Variants in NBAS observed in about 807,000 individuals in gnomAD.
NBAS encodes the protein NBAS subunit of NRZ tethering complex, also known as NAG/BC035112 fusion.
Under a neutral mutation model 302.5 loss-of-function variants are expected in NBAS, and 219 were observed. That is an observed-to-expected ratio of 0.72 (90% confidence interval 0.65 to 0.81). The LOEUF is 0.81. NBAS is among the 30% of genes least tolerant of loss of function. The pLI is 0.00. For synonymous variants in NBAS, 1,118 were observed against 1,021.6 expected (o/e 1.09, Z -1.80); for missense variants, 2,932 against 2,841.6 (o/e 1.03, Z -0.72).
At chr2:15,264,723 G>A (rs1269352199) in intron 44 of NBAS, among the ~76,000 whole-genome samples, 1 of 152,138 alleles carries the variant, frequency 6.6e-6, no homozygotes, top group Non-Finnish European at 1.5e-5. Flanking sequence ...CTTAAATTCT[G>A]TGTCTGTTAA....
At chr2:15,058,485 C>A in the NBAS span, among the ~76,000 whole-genome samples, 1 of 152,150 alleles carries the variant, frequency 6.6e-6, no homozygotes, top group Non-Finnish European at 1.5e-5. Flanking sequence ...ATATTTCTAC[C>A]ACATGATTGA....
At chr2:15,284,231 A>C (rs2148079227) in intron 42 of NBAS, among the ~76,000 whole-genome samples, 1 of 152,302 alleles carries the variant, frequency 6.6e-6, no homozygotes, top group South Asian at 2.1e-4. Context: ...GACAAGAGTG[A>C]AATTCCAGGA....
In NBAS at chr2:15,256,193, T is replaced by C. The variant is rs545976601; in HGVS notation, c.5725-17507A>G. On this transcript the variant is annotated intron_variant, in intron 44 of 51. Coordinates refer to ENST00000281513, the MANE Select transcript of NBAS (RefSeq NM_015909.4). ...ATTCTACCTATCCTTGAGCATGGGATGTGTTTCCATTTGTTTCTGTCATTT... is the reference window on the plus strand; with the variant it reads ...ATTCTACCTATCCTTGAGCATGGGACGTGTTTCCATTTGTTTCTGTCATTT... Among the ~76,000 whole-genome samples, 216 of 152,330 alleles carry C rather than the reference T, an allele frequency of 1.4e-3. No homozygotes were observed. The Middle Eastern group carries it at 0.034, about 24-fold the overall frequency.
intron 49 of NBAS, among the ~76,000 whole-genome samples, chr2:15,187,464 G>A (rs1189347288): frequency 6.6e-6 from 1 of 152,074 alleles, no homozygotes; most frequent in African/African-American, 2.4e-5. Flanking sequence ...CATAGCAGAG[G>A]TCAGCTGGGG....
chr2:14,986,046 G>A, the NBAS span, among the ~76,000 whole-genome samples: 3 of 152,072 alleles, frequency 2.0e-5, no homozygotes, highest in Admixed American at 2.0e-4. Context: ...CCTTTTAAGC[G>A]CAATGCATTT....
chr2:15,048,498 T>C, the NBAS span, among the ~76,000 whole-genome samples: 2 of 152,234 alleles, frequency 1.3e-5, no homozygotes, highest in African/African-American at 4.8e-5. Context: ...TATCAGGCTT[T>C]GCCTGGGAAG....
At chr2:15,142,713 A>G in the NBAS span, among the ~76,000 whole-genome samples, 3 of 152,156 alleles carry the variant, frequency 2.0e-5, no homozygotes, top group Admixed American at 2.0e-4. Context: ...TCTTCCTCTC[A>G]AGTGCTCTCT....
At chr2:14,909,115 G>A in the NBAS span, among the ~76,000 whole-genome samples, 11 of 151,924 alleles carry the variant, frequency 7.2e-5, no homozygotes, top group African/African-American at 2.2e-4. Flanking sequence ...GGCGGATCAC[G>A]AGGTCAGGAG....
intron 1 of NBAS, among the ~76,000 whole-genome samples, chr2:15,560,946 G>A (rs985097610): frequency 1.3e-5 from 2 of 152,094 alleles, no homozygotes; most frequent in Non-Finnish European, 1.5e-5. Flanking sequence ...GCTCCCCAGA[G>A]CACGAAGTTC....
chr2:14,820,112 C>T, the NBAS span, among the ~76,000 whole-genome samples: 2 of 152,236 alleles, frequency 1.3e-5, no homozygotes, highest in African/African-American at 4.8e-5. Flanking sequence ...GGAGGTTCCT[C>T]AAGAAACTAA....
intron 10 of NBAS, among the ~76,000 whole-genome samples, chr2:15,507,876 A>G (rs1006746284): frequency 6.6e-5 from 10 of 152,340 alleles, no homozygotes; most frequent in African/African-American, 2.4e-4. Flanking sequence ...GGGTCAATAC[A>G]CATATTGAAT....
At chr2:15,074,033 G>T in the NBAS span, among the ~76,000 whole-genome samples, 1 of 152,036 alleles carries the variant, frequency 6.6e-6, no homozygotes, top group Non-Finnish European at 1.5e-5. Context: ...GAATAATGAG[G>T]AAGACTAACA....
chr2:15,494,910 A>G (rs1681009498), intron 11 of NBAS, among the ~76,000 whole-genome samples: 2 of 152,122 alleles, frequency 1.3e-5, no homozygotes, highest in African/African-American at 4.8e-5. Flanking sequence ...TTTGCTGAGG[A>G]GGCAGCCAAA....
chr2:15,126,859 C>T, the NBAS span, among the ~76,000 whole-genome samples: 1 of 152,170 alleles, frequency 6.6e-6, no homozygotes, highest in Non-Finnish European at 1.5e-5. Context: ...ACAATATCAC[C>T]ATAGGACTGA....
At chr2:14,816,930 T>C in the NBAS span, among the ~76,000 whole-genome samples, 1 of 152,210 alleles carries the variant, frequency 6.6e-6, no homozygotes, top group Non-Finnish European at 1.5e-5. Context: ...GTGAAAGTCT[T>C]CTTCCCACGC....
the NBAS span, among the ~76,000 whole-genome samples, chr2:14,956,156 G>C: frequency 6.6e-6 from 1 of 152,154 alleles, no homozygotes; most frequent in African/African-American, 2.4e-5. Flanking sequence ...CTTTGCAAAA[G>C]AAAAGCAAGA....
the NBAS span, among the ~76,000 whole-genome samples, chr2:14,816,600 T>A: frequency 1.3e-5 from 2 of 152,212 alleles, no homozygotes; most frequent in African/African-American, 4.8e-5. Flanking sequence ...GTTCCATGTA[T>A]GTTTTAATTC....
At chr2:14,979,288 G>GT in the NBAS span, among the ~76,000 whole-genome samples, 1 of 152,108 alleles carries the variant, frequency 6.6e-6, no homozygotes, top group African/African-American at 2.4e-5. Flanking sequence ...TTTAAATGAG[G>GT]TTTTTCTTTA....
the NBAS span, among the ~76,000 whole-genome samples, chr2:14,891,297 A>T: frequency 6.6e-6 from 1 of 152,220 alleles, no homozygotes; most frequent in African/African-American, 2.4e-5. Context: ...GTAGAGATAA[A>T]AATTAGACTG....
Sources: gnomAD v4.1 joint callset for allele counts (sites outside exome capture counted in the v4.1 genomes callset) on GRCh38, gnomAD v4.1.1 for gene constraint, MANE v1.5 for transcripts, NCBI Gene and HGNC (gene_info 2026-07-23, HGNC 2026-07-21) for gene names.